The following GPC3 variants were observed in gnomAD, a reference collection of about 807,000 sequenced individuals.
The protein encoded by GPC3 is glypican 3, also known as glypican-3.
A neutral mutation model predicts 34.4 loss-of-function variants in GPC3; 3 were observed. The ratio of observed to expected loss-of-function variants is 0.09; its 90% CI spans 0.04 to 0.23. The LOEUF (loss-of-function observed/expected upper bound fraction) is 0.23, where lower values mean the gene tolerates loss of function less well. GPC3 is among the 10% of genes least tolerant of loss of function. The probability of loss-of-function intolerance (pLI) is 1.00; values close to 1 mark genes in which losing one functional copy is unlikely to be tolerated. For missense variants in GPC3, 351 were observed against 445.6 expected (o/e 0.79, Z 1.91); for synonymous variants, 177 against 174.0 (o/e 1.02, Z -0.13).
chrX:133,821,794 G>T (rs1194873933), intron 2 of GPC3, among the ~76,000 whole-genome samples: 1 of 111,925 alleles, frequency 8.9e-6, no homozygotes, highest in East Asian at 2.8e-4. Flanking sequence ...CTGGAATTTT[G>T]CATTGCTAGG....
chrX:133,664,311 A>T (rs1444427666), intron 5 of GPC3, among the ~76,000 whole-genome samples: 1 of 112,312 alleles, frequency 8.9e-6, no homozygotes, highest in Non-Finnish European at 1.9e-5. Context: ...CAACTTGAAC[A>T]TCTTTAAAGA....
intron 7 of GPC3, among the ~76,000 whole-genome samples, chrX:133,589,157 T>G (rs1221145538): frequency 8.9e-6 from 1 of 111,742 alleles, no homozygotes; most frequent in Non-Finnish European, 1.9e-5. Flanking sequence ...GAAATATCTG[T>G]GTACCAAGGG....
At chrX:133,585,040 G>A (rs1372029454) in intron 7 of GPC3, among the ~76,000 whole-genome samples, 1 of 111,310 alleles carries the variant, frequency 9.0e-6, no homozygotes, top group Admixed American at 9.5e-5. Context: ...TTTTAGGCAG[G>A]TGTGTACACA....
intron 3 of GPC3, among the ~76,000 whole-genome samples, chrX:133,750,286 A>G (rs2071652807): frequency 8.9e-6 from 1 of 112,298 alleles, no homozygotes; most frequent in Admixed American, 9.4e-5. Flanking sequence ...TATCCAATTT[A>G]GGTTCACTAC....
intron 5 of GPC3, among the ~76,000 whole-genome samples, chrX:133,679,764 C>T (rs1283526285): frequency 9.0e-6 from 1 of 111,313 alleles, no homozygotes; most frequent in Non-Finnish European, 1.9e-5. Flanking sequence ...AAGCAATCTT[C>T]CCGCCTCACC....
chrX:133,642,687 G>T (rs1203295554), intron 6 of GPC3, among the ~76,000 whole-genome samples: 2 of 105,894 alleles, frequency 1.9e-5, no homozygotes, highest in Admixed American at 1.0e-4. Flanking sequence ...CAGGAGAATC[G>T]CTTGAACCTA....
chrX:133,875,606 C>G (rs1403331566), intron 2 of GPC3, among the ~76,000 whole-genome samples: 1 of 111,355 alleles, frequency 9.0e-6, no homozygotes, highest in African/African-American at 3.3e-5. Flanking sequence ...CCCAGTCTCT[C>G]ATATTCTTTT....
At position 133,644,024 on chromosome X, in the gene GPC3, C is replaced by T. The variant is rs889239688; in HGVS notation, c.1413+17706G>A. Among the ~76,000 whole-genome samples the T allele has an allele frequency of 3.8e-4, 42 of 109,728 alleles. 1 individual carries two copies. Among genetic ancestry groups the T allele is most frequent in the South Asian group, 1.2e-3 (3 of 2,510 alleles). On this transcript the variant is annotated intron_variant, in intron 6 of 7. Transcript: ENST00000370818. ...TGTATTTTTAGTAGAGACGGGGTTT[C>T]GCTATGTTGGCCAGGCTGGTCTCGA...
Position 133,727,613 on chromosome X carries a change from T to C in GPC3, c.1032+25869A>G, listed in dbSNP as rs192193167. ...CTTCATATTCTTCCTTTTGACTCCT[T>C]TGCCATGGTTATTTCCAGATCCCTG... On this transcript the variant is annotated intron_variant, in intron 3 of 7. Coordinates refer to ENST00000370818, the MANE Select transcript of GPC3 (RefSeq NM_004484.4). 5.4e-4 allele frequency among the ~76,000 whole-genome samples: 60 copies of C among 111,689 alleles called. No individual in the cohort carries two copies. The East Asian group carries it at 0.015, about 28-fold the overall frequency.
At chrX:133,594,646 T>C (rs1032344834) in intron 7 of GPC3, among the ~76,000 whole-genome samples, 4 of 111,399 alleles carry the variant, frequency 3.6e-5, no homozygotes, top group Admixed American at 2.9e-4. Flanking sequence ...GATTCCATCA[T>C]ATATGAGGTG....
rs776860152 is a variant in GPC3 at position 133,753,552 on chromosome X, A to G, written c.962T>C (p.Leu321Pro). ...ATCATGGATTGTTGAAAAGAGACCAAGCAGTACGTTCTCCATGTCATAGAT... is the reference window on the plus strand; with the variant it reads ...ATCATGGATTGTTGAAAAGAGACCAGGCAGTACGTTCTCCATGTCATAGAT... Reference protein sequence around the residue: ...YRIYDMENVLLGLFSTIHDSI... With the variant: ...YRIYDMENVLPGLFSTIHDSI... The change falls in exon 3 of 8, where the codon CTT becomes CCT. Residue 321 changes from leucine (L) to proline (P), a missense_variant. Transcript: ENST00000370818. The G allele has an allele frequency of 8.3e-7, 1 of 1,210,276 alleles. No homozygotes were observed. The highest frequency in any genetic ancestry group is 1.8e-5 in the South Asian group (1 of 56,947).
At chrX:133,887,685 T>C (rs1054198134) in intron 2 of GPC3, among the ~76,000 whole-genome samples, 5 of 111,894 alleles carry the variant, frequency 4.5e-5, no homozygotes, top group African/African-American at 1.6e-4. Flanking sequence ...CAGAAAAAAA[T>C]TGCAACCTCC....
intron 2 of GPC3, among the ~76,000 whole-genome samples, chrX:133,863,907 G>A (rs1339108772): frequency 1.9e-5 from 2 of 107,386 alleles, no homozygotes; most frequent in South Asian, 4.1e-4. Flanking sequence ...CACCCGCCTC[G>A]GCCTCCCAAA....
At chrX:133,891,978 T>C (rs1409552663) in intron 2 of GPC3, among the ~76,000 whole-genome samples, 1 of 110,545 alleles carries the variant, frequency 9.0e-6, no homozygotes, top group African/African-American at 3.3e-5. Context: ...ATCTGGAAAA[T>C]GGGCCCCCAC....
At chrX:133,593,111 C>T (rs763031360) in intron 7 of GPC3, among the ~76,000 whole-genome samples, 3 of 109,508 alleles carry the variant, frequency 2.7e-5, no homozygotes, top group Non-Finnish European at 5.7e-5. Flanking sequence ...GGGGATCACA[C>T]GAGGTCAGGA....
intron 2 of GPC3, among the ~76,000 whole-genome samples, chrX:133,771,209 A>C (rs753510520): frequency 8.9e-6 from 1 of 112,663 alleles, no homozygotes; most frequent in East Asian, 2.8e-4. Context: ...TGCCAAAAGG[A>C]TCTTTTGTCA....
chrX:133,693,156 A>AGTGTGTGTGT (rs57735935), intron 4 of GPC3, among the ~76,000 whole-genome samples: 1 of 89,408 alleles, frequency 1.1e-5, no homozygotes, highest in Non-Finnish European at 2.2e-5. Flanking sequence ...TAATAAGACA[A>AGTGTGTGTGT]GTGTGTGTGT....
At chrX:133,760,704 C>T (rs1352762107) in intron 2 of GPC3, among the ~76,000 whole-genome samples, 1 of 111,297 alleles carries the variant, frequency 9.0e-6, no homozygotes, top group Non-Finnish European at 1.9e-5. Flanking sequence ...ATGAAAGATA[C>T]AAGACATTAT....
chrX:133,865,578 C>T (rs990371953), intron 2 of GPC3, among the ~76,000 whole-genome samples: 1 of 112,000 alleles, frequency 8.9e-6, no homozygotes, highest in African/African-American at 3.2e-5. Flanking sequence ...CAACAAAAAT[C>T]TATACAAAGT....
Sources: gnomAD v4.1 joint callset for allele counts (sites outside exome capture counted in the v4.1 genomes callset) on GRCh38, gnomAD v4.1.1 for gene constraint, MANE v1.5 for transcripts, NCBI Gene and HGNC (gene_info 2026-07-23, HGNC 2026-07-21) for gene names.